Variants in ACTL6B observed in about 807,000 individuals in gnomAD.
The protein encoded by ACTL6B is actin-like protein 6B.
Under a neutral mutation model 63.3 loss-of-function variants are expected in ACTL6B, and 48 were observed. The ratio of observed to expected loss-of-function variants is 0.76; its 90% CI spans 0.60 to 0.96. The LOEUF (loss-of-function observed/expected upper bound fraction) is 0.96. Among genes scored for constraint, ACTL6B ranks in the 50% least tolerant of loss-of-function variants. The pLI is 0.00. For synonymous variants in ACTL6B, 230 were observed against 223.8 expected, an observed-to-expected ratio of 1.03 and a Z score of -0.25; for missense variants, 350 against 572.2, an observed-to-expected ratio of 0.61 and a Z score of 3.96.
chr7:100,643,420 A>C, intron 13 of ACTL6B, 94 bp from the exon 14 acceptor site: 1 of 1,336,990 alleles, frequency 7.5e-7, no homozygotes, highest in Non-Finnish European at 1.1e-6. Context: ...ACAGGCCCCA[A>C]CCACCCCTTG....
intron 4 of ACTL6B, among the ~76,000 whole-genome samples, chr7:100,650,534 T>C (rs1342251952): frequency 2.0e-5 from 3 of 151,954 alleles, no homozygotes; most frequent in Non-Finnish European, 2.9e-5. Context: ...CACACACACA[T>C]GCATTTAAAA....
Position 100,646,160 on chromosome 7 carries a change from TGAAC to T in ACTL6B, c.1200+85_1200+88del. ...ACTAAATGTTTGTTGAATGAATGAA[TGAAC>T]GAAGAGGCAGTCAAAGTGGCGGGCA... is the stretch of plus-strand genomic sequence containing the variant. On this transcript the variant is annotated intron_variant, in intron 13 of 13. Transcript: ENST00000160382. The surrounding 1 kb of genome is among the most constrained non-coding windows in gnomAD (Gnocchi z 6.1). 1 of 1,085,128 alleles carries T rather than the reference TGAAC, an allele frequency of 9.2e-7. No individual in the cohort carries two copies. Among genetic ancestry groups the T allele is most frequent in the South Asian group, 1.3e-5 (1 of 76,572 alleles). The allele number at this position is 1,085,128 out of a possible 1,614,324, so 67.2% of individuals were successfully genotyped here. A position where few individuals can be genotyped will look rare whatever the true frequency, so the allele number is the denominator to read the frequency against.
At position 100,655,868 on chromosome 7, in the gene ACTL6B, C is replaced by A; in HGVS notation, c.37G>T (p.Ala13Ser). The A allele has an allele frequency of 1.3e-6, 2 of 1,571,184 alleles. No individual in the cohort carries two copies. Among genetic ancestry groups the A allele is most frequent in the Non-Finnish European group, 8.6e-7 (1 of 1,157,830 alleles). ...AAGGAGCCAATGTCAAAGACCAGCGCCCCCACCTCATCTGTGCGGGGAGAC... is the reference window on the plus strand; with the variant it reads ...AAGGAGCCAATGTCAAAGACCAGCGACCCCACCTCATCTGTGCGGGGAGAC... ...GGVYGGDEVG[A>S]LVFDIGSFSV... The change falls in exon 2 of 14, where the codon GCG (alanine) becomes TCG (serine). Residue 13 changes from alanine to serine, a missense_variant. Ala to Ser is a moderately conservative substitution (Grantham distance 99). Around this residue, in one of 3 missense-constraint regions of ACTL6B, gnomAD observed 250 missense variants for 364.7 expected, o/e 0.69. Transcript: ENST00000160382. The surrounding 1 kb of genome is among the most constrained non-coding windows in gnomAD (Gnocchi z 4.4).
Position 100,655,672 on chromosome 7 carries a change from C to A in ACTL6B, c.103-86G>T. Reference sequence around the variant, plus strand: ...CAGCCCCACAGCAGGGTCCTCAGACCGCCCCTGGGTTTATTCCCATATTCC... The same window carrying A: ...CAGCCCCACAGCAGGGTCCTCAGACAGCCCCTGGGTTTATTCCCATATTCC... On this transcript the variant is annotated intron_variant, in intron 2 of 13. Transcript: ENST00000160382. The surrounding 1 kb of genome is among the most constrained non-coding windows in gnomAD (Gnocchi z 4.4). The A allele has an allele frequency of 5.2e-6, 8 of 1,527,068 alleles. No homozygotes were observed. Among genetic ancestry groups the A allele is most frequent in the Non-Finnish European group, 7.1e-6 (8 of 1,133,814 alleles). The allele number at this position is 1,527,068 out of a possible 1,614,324, so 94.6% of individuals were successfully genotyped here.
At chr7:100,656,057 C>T (rs1003730283) in intron 1 of ACTL6B, among the ~76,000 whole-genome samples, 178 bp from the exon 2 acceptor site, 1 of 152,260 alleles carries the variant, frequency 6.6e-6, no homozygotes, top group Non-Finnish European at 1.5e-5. Flanking sequence ...ATCACACCGC[C>T]AGGGTCCCTT....
chr7:100,643,848 C>T (rs933229545), intron 13 of ACTL6B, among the ~76,000 whole-genome samples: 10 of 152,312 alleles, frequency 6.6e-5, no homozygotes, highest in Non-Finnish European at 1.3e-4. Context: ...ATGAGCATCT[C>T]AGAGTGTCCC....
At chr7:100,656,026 CCTGGGA>C in intron 1 of ACTL6B, 147 bp from the exon 2 acceptor site, 1 of 869,294 alleles carries the variant, frequency 1.2e-6, no homozygotes, top group Middle Eastern at 3.5e-4. Flanking sequence ...AGTCCGAGGT[CCTGGGA>C]CTGGGGGTGG....
At chr7:100,654,432 C>CATAATAATAATA (rs146623180) in intron 4 of ACTL6B, among the ~76,000 whole-genome samples, 12 of 137,438 alleles carry the variant, frequency 8.7e-5, no homozygotes, top group Non-Finnish European at 1.2e-4. Flanking sequence ...CAAAGTTGAC[C>CATAATAATAATA]ATAATAATAA....
At position 100,647,474 on chromosome 7, in the gene ACTL6B, G is replaced by A. The variant is rs1401747306; in HGVS notation, c.729C>T (p.Val243=). 6.2e-7 allele frequency: 1 copy of A among 1,612,224 alleles called. No individual in the cohort carries two copies. Among genetic ancestry groups the A allele is most frequent in the Non-Finnish European group, 8.5e-7 (1 of 1,179,168 alleles). Residue 243 remains valine, a synonymous_variant, in exon 8 of 14, where the codon GTC becomes GTT. Transcript: ENST00000160382. This position sits in a 1 kb window ranked among gnomAD's most constrained non-coding sequence, Gnocchi z 4.4. ...NWKKKEKLPQ[V]SKSWHNYMCN... is the part of the protein sequence containing the mutation. The stretch of plus-strand genomic sequence containing the variant: ...ACATGTAGTTATGCCAGGACTTGGA[G>A]ACCTGGGGTAGCTTCTCCTTCTTCT...
intron 4 of ACTL6B, among the ~76,000 whole-genome samples, chr7:100,650,624 C>T (rs1441492035): frequency 6.6e-6 from 1 of 151,912 alleles, no homozygotes; most frequent in East Asian, 1.9e-4. Flanking sequence ...ATTGCTTGAA[C>T]CCAGGAGTTC....
At position 100,656,321 on chromosome 7, in the gene ACTL6B, C is replaced by G; in HGVS notation, c.25+9G>C. 7.2e-7 allele frequency: 1 copy of G among 1,384,852 alleles called. No homozygotes were observed. Among genetic ancestry groups the G allele is most frequent in the East Asian group, 3.0e-5 (1 of 33,244 alleles). 85.8% of individuals were successfully genotyped at this position (1,384,852 alleles called of 1,614,324 possible). A position where few individuals can be genotyped will look rare whatever the true frequency, so the allele number is the denominator to read the frequency against. Reference sequence around the variant, plus strand: ...GGCTGCGGGAGCCGGGGGCCCGAGGCTCGCTCACCTCCGCCGTAGACGCCC... The same window carrying G: ...GGCTGCGGGAGCCGGGGGCCCGAGGGTCGCTCACCTCCGCCGTAGACGCCC... On this transcript the variant is annotated intron_variant, in intron 1 of 13. Coordinates refer to ENST00000160382, the MANE Select transcript of ACTL6B (RefSeq NM_016188.5).
At chr7:100,649,194 G>C (rs571562292) in intron 5 of ACTL6B, among the ~76,000 whole-genome samples, 1 of 151,066 alleles carries the variant, frequency 6.6e-6, no homozygotes, top group African/African-American at 2.4e-5. Flanking sequence ...GGATTTCACC[G>C]TGTTAGCCAG....
At chr7:100,650,803 A>T (rs1345350214) in intron 4 of ACTL6B, among the ~76,000 whole-genome samples, 2 of 152,220 alleles carry the variant, frequency 1.3e-5, no homozygotes, top group Non-Finnish European at 2.9e-5. Flanking sequence ...AGGTAAAGAG[A>T]TGGAAAATAT....
rs1803833748 is a variant in ACTL6B at position 100,646,884 on chromosome 7, C to A, written c.937-53G>T. ...GGCTCTCTCCCCCTTCCCCCCAGAC[C>A]CCTGCAATCCTTCCCAGCCTCCCCC... On this transcript the variant is annotated intron_variant, in intron 10 of 13. Coordinates refer to ENST00000160382, the MANE Select transcript of ACTL6B (RefSeq NM_016188.5). This position sits in a 1 kb window ranked among gnomAD's most constrained non-coding sequence, Gnocchi z 6.1. 1.1e-5 allele frequency: 17 copies of A among 1,601,510 alleles called. No homozygotes were observed. The South Asian group carries it at 1.9e-4, about 18-fold the overall frequency.
Position 100,648,021 on chromosome 7 carries a change from G to A in ACTL6B, c.670-488C>T, listed in dbSNP as rs538868567. On this transcript the variant is annotated intron_variant, in intron 7 of 13. Coordinates refer to ENST00000160382, the MANE Select transcript of ACTL6B (RefSeq NM_016188.5). The surrounding 1 kb of genome is among the most constrained non-coding windows in gnomAD (Gnocchi z 4.4). ...GTCGCCCAGGCTGGAGTGCAGTGGC[G>A]CGATCTCGGCTCACTGCAACCTCTG... Among the ~76,000 whole-genome samples the A allele has an allele frequency of 8.7e-5, 13 of 149,982 alleles. No individual in the cohort carries two copies. Among genetic ancestry groups the A allele is most frequent in the Admixed American group, 2.0e-4 (3 of 14,992 alleles).
At position 100,655,346 on chromosome 7, in the gene ACTL6B, T is replaced by TG. The variant is rs1804017852; in HGVS notation, c.268+74dup. ...GCTGCAAGGAAGACTCCGCGGGGAG[T>TG]GGGGGCTGCTATGACCCAGATTGTG... On this transcript the variant is annotated intron_variant, in intron 3 of 13. Coordinates refer to ENST00000160382, the MANE Select transcript of ACTL6B (RefSeq NM_016188.5). This position sits in a 1 kb window ranked among gnomAD's most constrained non-coding sequence, Gnocchi z 4.4. The TG allele has an allele frequency of 1.3e-6, 2 of 1,499,650 alleles. No homozygotes were observed. The highest frequency in any genetic ancestry group is 1.9e-5 in the Admixed American group (1 of 51,572). The allele number at this position is 1,499,650 out of a possible 1,614,324, so 92.9% of individuals were successfully genotyped here.
intron 4 of ACTL6B, among the ~76,000 whole-genome samples, chr7:100,651,102 G>A (rs996425585): frequency 6.6e-6 from 1 of 152,072 alleles, no homozygotes; most frequent in African/African-American, 2.4e-5. Context: ...AAATGGCAAC[G>A]ATATATGCTG....
Position 100,647,628 on chromosome 7 carries a change from G to GCTGCAGGCT in ACTL6B, c.670-104_670-96dup. The GCTGCAGGCT allele has an allele frequency of 1.1e-6, 1 of 937,986 alleles. No individual in the cohort carries two copies. Among genetic ancestry groups the GCTGCAGGCT allele is most frequent in the East Asian group, 2.4e-5 (1 of 40,940 alleles). 58.1% of individuals were successfully genotyped at this position (937,986 alleles called of 1,614,324 possible). A position where few individuals can be genotyped will look rare whatever the true frequency, so the allele number is the denominator to read the frequency against. ...GTTCCCAGCTCTGCAGCTACCTGGCGCTGCAGGCTCTGCTGTGCTGCCTGC... is the reference window on the plus strand; with the variant it reads ...GTTCCCAGCTCTGCAGCTACCTGGCGCTGCAGGCTCTGCAGGCTCTGCTGTGCTGCCTGC... On this transcript the variant is annotated intron_variant, in intron 7 of 13. Coordinates refer to ENST00000160382, the MANE Select transcript of ACTL6B (RefSeq NM_016188.5). The surrounding 1 kb of genome is among the most constrained non-coding windows in gnomAD (Gnocchi z 4.4).
At chr7:100,645,845 TG>T (rs1468813124) in intron 13 of ACTL6B, among the ~76,000 whole-genome samples, 4 of 152,198 alleles carry the variant, frequency 2.6e-5, no homozygotes, top group Non-Finnish European at 5.9e-5. Context: ...TTGGCCAGGC[TG>T]GTCTCGAACT....
Sources: allele counts gnomAD v4.1 joint callset (sites outside exome capture counted in the v4.1 genomes callset), GRCh38; gene constraint gnomAD v4.1.1; regional missense constraint gnomAD v4.1.1; non-coding constraint Gnocchi (gnomAD v3.1); transcripts MANE v1.5; gene names NCBI Gene and HGNC (gene_info 2026-07-23, HGNC 2026-07-21).